Variants in BRPF1 observed in about 807,000 individuals in gnomAD.
BRPF1 encodes the protein bromodomain and PHD finger containing 1.
A neutral mutation model predicts 115.0 loss-of-function variants in BRPF1; 15 were observed. The ratio of observed to expected loss-of-function variants is 0.13; its 90% CI spans 0.09 to 0.20. BRPF1 has a LOEUF of 0.20. BRPF1 is among the 10% of genes least tolerant of loss of function. The pLI, the probability that BRPF1 is intolerant of heterozygous loss-of-function variation, is 1.00. For synonymous variants in BRPF1, 647 were observed against 619.8 expected (o/e 1.04, Z -0.65); for missense variants, 1,118 against 1,638.3 (o/e 0.68, Z 5.48).
intron 9 of BRPF1, among the ~76,000 whole-genome samples, chr3:9,744,802 G>A (rs374353416): frequency 3.9e-5 from 6 of 152,198 alleles, no homozygotes; most frequent in Non-Finnish European, 5.9e-5. Context: ...CCTAAAGCCA[G>A]TAACTGCCGA....
Position 9,747,205 on chromosome 3 carries a change from G to T in BRPF1, c.3519G>T (p.Val1173=). The T allele has an allele frequency of 6.2e-7, 1 of 1,614,148 alleles. No individual in the cohort carries two copies. Among genetic ancestry groups the T allele is most frequent in the Non-Finnish European group, 8.5e-7 (1 of 1,180,040 alleles). Residue 1173 remains valine, a synonymous_variant, in exon 14 of 14, where the codon GTG becomes GTT. Coordinates refer to ENST00000383829, the MANE Select transcript of BRPF1 (RefSeq NM_001003694.2). This position sits in a 1 kb window ranked among gnomAD's most constrained non-coding sequence, Gnocchi z 5.6. ...GGACCAAGCTGGTTCCTCTGGGTGT[G>T]AACCAGGACCTAGACAAGGAGAAGA... ...LPRTKLVPLG[V]NQDLDKEKML...
chr3:9,741,443 A>G lies in BRPF1; in HGVS notation c.1854+4A>G. ...GGAAAAACTCAAAAGGGAGACGGTG[A>G]GTGCTCCTGGGCCAGCCCTATTTTA... On this transcript the variant is annotated splice_donor_region_variant and intron_variant, in intron 5 of 13. Coordinates refer to ENST00000383829, the MANE Select transcript of BRPF1 (RefSeq NM_001003694.2). 6.3e-7 allele frequency: 1 copy of G among 1,584,648 alleles called. No homozygotes were observed. The highest frequency in any genetic ancestry group is 2.3e-5 in the East Asian group (1 of 44,100).
intron 3 of BRPF1, 71 bp downstream of exon 3, chr3:9,740,029 T>C (rs2077003378): frequency 7.5e-6 from 11 of 1,463,836 alleles, no homozygotes; most frequent in South Asian, 7.2e-5. Context: ...GGCAGCCTCC[T>C]GAGTGGAATG....
In BRPF1 at chr3:9,743,124, C is replaced by A; in HGVS notation, c.2182C>A (p.Arg728Ser). ...CTTCTACCGGGCAGCAGTGCGGCTT[C>A]GTGAGCAGGGTGGTGCTGTGCTCCG... ...TIFYRAAVRL[R>S]EQGGAVLRQA... The change falls in exon 7 of 14, where the codon CGT becomes AGT. Residue 728 changes from arginine to serine, a missense_variant. Transcript: ENST00000383829. The surrounding 1 kb of genome is among the most constrained non-coding windows in gnomAD (Gnocchi z 6.1). 1.2e-6 allele frequency: 2 copies of A among 1,614,230 alleles called. No individual in the cohort carries two copies. The highest frequency in any genetic ancestry group is 2.2e-5 in the South Asian group (2 of 91,086).
At chr3:9,744,869 T>C in intron 9 of BRPF1, 139 bp from the exon 10 acceptor site, 3 of 1,151,490 alleles carry the variant, frequency 2.6e-6, no homozygotes, top group Middle Eastern at 2.2e-4. Context: ...TGCCCAGAGC[T>C]AGCTCTGCTG....
In BRPF1 at chr3:9,744,422, T is replaced by C. The variant is rs974996650; in HGVS notation, c.2834T>C (p.Leu945Pro). 1.3e-5 allele frequency: 21 copies of C among 1,611,434 alleles called. No individual in the cohort carries two copies. Among genetic ancestry groups the C allele is most frequent in the East Asian group, 2.2e-5 (1 of 44,756 alleles). ...CCCCAGCTCCCCATCATGAGTTCCC[T>C]GCGTCAGCGCAAGCGGGGTAGGAGC... ...GPPQLPIMSS[L>P]RQRKRGRSPR... Residue 945 changes from leucine to proline, a missense_variant, in exon 9 of 14, where the codon CTG becomes CCG. By Grantham distance (98) the Leu-to-Pro change is moderately conservative. This residue lies in a region of BRPF1 where 92 missense variants were observed against 102.2 expected (regional missense o/e 0.90). Transcript: ENST00000383829.
Position 9,747,151 on chromosome 3 carries a change from C to T in BRPF1, c.3480-15C>T, listed in dbSNP as rs2077142489. ...TCCCTGAGATGATTTATTTGATCTT[C>T]ACCTTATCCTATAGGCAGTGGCTGC... is the stretch of plus-strand genomic sequence containing the variant. On this transcript the variant is annotated splice_polypyrimidine_tract_variant and intron_variant, in intron 13 of 13. Coordinates refer to ENST00000383829, the MANE Select transcript of BRPF1 (RefSeq NM_001003694.2). This position sits in a 1 kb window ranked among gnomAD's most constrained non-coding sequence, Gnocchi z 5.6. 6.2e-7 allele frequency: 1 copy of T among 1,613,686 alleles called. No homozygotes were observed. Among genetic ancestry groups the T allele is most frequent in the Non-Finnish European group, 8.5e-7 (1 of 1,179,706 alleles).
rs757930846 is a variant in BRPF1, at chr3:9,745,536, C to T, written c.3069-37C>T. 2.5e-6 allele frequency: 4 copies of T among 1,606,724 alleles called. No individual in the cohort carries two copies. Among genetic ancestry groups the T allele is most frequent in the Non-Finnish European group, 3.4e-6 (4 of 1,173,626 alleles). On this transcript the variant is annotated intron_variant, in intron 10 of 13. Coordinates refer to ENST00000383829, the MANE Select transcript of BRPF1 (RefSeq NM_001003694.2). This position sits in a 1 kb window ranked among gnomAD's most constrained non-coding sequence, Gnocchi z 5.1. Reference sequence around the variant, plus strand: ...ATACCATGCTGTTCCCCATTCTTCCCCTCCTTTGAGCTGAGCTCCCATTGT... The same window carrying T: ...ATACCATGCTGTTCCCCATTCTTCCTCTCCTTTGAGCTGAGCTCCCATTGT...
rs889838847 is a variant in BRPF1 at position 9,734,555 on chromosome 3, A to C, written c.415A>C (p.Thr139Pro). The C allele has an allele frequency of 6.2e-7, 1 of 1,614,054 alleles. No individual in the cohort carries two copies. Among genetic ancestry groups the C allele is most frequent in the African/African-American group, 1.3e-5 (1 of 74,930 alleles). Residue 139 changes from threonine (T) to proline (P), a missense_variant, in exon 2 of 14, where the codon ACT becomes CCT. Transcript: ENST00000383829. This position sits in a 1 kb window ranked among gnomAD's most constrained non-coding sequence, Gnocchi z 5.7. ...APENGSNKEN[T>P]ETPAATPKSG... ...TGAGAATGGCAGCAACAAGGAGAAC[A>C]CTGAGACACCAGCTGCTACTCCCAA...
intron 2 of BRPF1, among the ~76,000 whole-genome samples, chr3:9,738,329 G>A: frequency 6.6e-6 from 1 of 152,328 alleles, no homozygotes; most frequent in African/African-American, 2.4e-5. Context: ...CTAACTCTAT[G>A]GCTGTGGTAA....
chr3:9,733,368 C>T (rs2076887856), intron 1 of BRPF1: 1 of 152,240 alleles, frequency 6.6e-6, no homozygotes, highest in Non-Finnish European at 1.5e-5. Context: ...ATTCGTTCAA[C>T]AGGTCATTCA....
At chr3:9,735,963 A>AT (rs1333382738) in intron 2 of BRPF1, among the ~76,000 whole-genome samples, 9 of 149,420 alleles carry the variant, frequency 6.0e-5, no homozygotes, top group Non-Finnish European at 1.3e-4. Flanking sequence ...TATGAAAAGC[A>AT]TTTTTTACCA....
intron 5 of BRPF1, 118 bp from the exon 6 acceptor site, chr3:9,741,907 A>C: frequency 8.5e-7 from 1 of 1,169,642 alleles, no homozygotes; most frequent in Non-Finnish European, 1.2e-6. Flanking sequence ...GTATGAGTAC[A>C]CCCAGCTGTG....
In BRPF1 at chr3:9,739,301, A is replaced by G; in HGVS notation, c.902A>G (p.His301Arg). The change falls in exon 3 of 14, where the codon CAC (histidine) becomes CGC (arginine). Residue 301 changes from histidine to arginine, a missense_variant. By Grantham distance (29) the His-to-Arg change is conservative. Around this residue, in one of 10 missense-constraint regions of BRPF1, gnomAD observed 64 missense variants for 172.8 expected, o/e 0.37. Coordinates refer to ENST00000383829, the MANE Select transcript of BRPF1 (RefSeq NM_001003694.2). Reference sequence around the variant, plus strand: ...TGTGACATGTGCAACCTGGCCGTGCACCAGGAGTGCTACGGTGTCCCCTAT... The same window carrying G: ...TGTGACATGTGCAACCTGGCCGTGCGCCAGGAGTGCTACGGTGTCCCCTAT... Reference protein sequence around the residue: ...LFCDMCNLAVHQECYGVPYIP... With the variant: ...LFCDMCNLAVRQECYGVPYIP... The G allele has an allele frequency of 6.2e-7, 1 of 1,614,062 alleles. No homozygotes were observed. The highest frequency in any genetic ancestry group is 8.5e-7 in the Non-Finnish European group (1 of 1,179,918).
chr3:9,736,100 T>A (rs1200030363), intron 2 of BRPF1, among the ~76,000 whole-genome samples: 1 of 133,654 alleles, frequency 7.5e-6, no homozygotes, highest in Non-Finnish European at 1.5e-5. Flanking sequence ...CGACCTCCAC[T>A]GGGTTCAAGC....
At position 9,734,466 on chromosome 3, in the gene BRPF1, G is replaced by A. The variant is rs546077809; in HGVS notation, c.326G>A (p.Arg109His). 6 of 1,614,140 alleles carry A rather than the reference G, an allele frequency of 3.7e-6. No individual in the cohort carries two copies. The East Asian group carries it at 6.7e-5, about 18-fold the overall frequency. ...GTGGACTTGCATGGCCGCGTCCACCGCATCAGCATCTTTGACAACCTGGAT... is the reference window on the plus strand; with the variant it reads ...GTGGACTTGCATGGCCGCGTCCACCACATCAGCATCTTTGACAACCTGGAT... Reference protein sequence around the residue: ...VEVDLHGRVHRISIFDNLDVV... With the variant: ...VEVDLHGRVHHISIFDNLDVV... Residue 109 changes from arginine (R) to histidine (H), a missense_variant, in exon 2 of 14, where the codon CGC becomes CAC. Transcript: ENST00000383829. This position sits in a 1 kb window ranked among gnomAD's most constrained non-coding sequence, Gnocchi z 5.7.
chr3:9,744,979 C>T, intron 9 of BRPF1, 29 bp from the exon 10 acceptor site: 1 of 1,614,124 alleles, frequency 6.2e-7, no homozygotes. Flanking sequence ...TGACCGGTTC[C>T]TTCCCTCCTC....
At position 9,740,951 on chromosome 3, in the gene BRPF1, C is replaced by A. The variant is rs1272511957; in HGVS notation, c.1722+10C>A. ...CTGTGACCAAGTTGGGGTACTGTGT[C>A]CAGTTCCCTGTGGGCTCTGGGAACT... On this transcript the variant is annotated intron_variant, in intron 4 of 13. Transcript: ENST00000383829. The A allele has an allele frequency of 4.4e-6, 7 of 1,607,664 alleles. No individual in the cohort carries two copies. Among genetic ancestry groups the A allele is most frequent in the Non-Finnish European group, 5.9e-6 (7 of 1,178,424 alleles).
chr3:9,741,050 T>A (rs1347559888), intron 4 of BRPF1, 109 bp downstream of exon 4: 2 of 1,255,724 alleles, frequency 1.6e-6, no homozygotes, highest in East Asian at 2.6e-5. Context: ...CTTTCCTCCT[T>A]TAAGCTAGCC....
Sources: gnomAD v4.1 joint callset for allele counts (sites outside exome capture counted in the v4.1 genomes callset) on GRCh38, gnomAD v4.1.1 for gene constraint, gnomAD v4.1.1 regional missense constraint, Gnocchi (gnomAD v3.1) non-coding constraint, MANE v1.5 for transcripts, NCBI Gene and HGNC (gene_info 2026-07-23, HGNC 2026-07-21) for gene names.